Variants in IL17RE observed in about 807,000 individuals in gnomAD.
IL17RE encodes interleukin 17 receptor E.
A neutral mutation model predicts 70.7 loss-of-function variants in IL17RE; 47 were observed. The ratio of observed to expected loss-of-function variants is 0.67; its 90% CI spans 0.53 to 0.85. The LOEUF (loss-of-function observed/expected upper bound fraction) is 0.85. Ranked by LOEUF, IL17RE falls within the 40% of genes least tolerant of loss-of-function variation. The pLI is 0.00. For missense variants in IL17RE, 850 were observed against 893.9 expected (o/e 0.95, Z 0.63); for synonymous variants, 372 against 381.2 (o/e 0.98, Z 0.28).
rs1480913704 is a variant in IL17RE at position 9,903,381 on chromosome 3, G to T, written c.133-16G>T. On this transcript the variant is annotated splice_polypyrimidine_tract_variant and intron_variant, in intron 1 of 15. Transcript: ENST00000383814. ...AGCTCTTTCCTTTCTTTTCCCTACT[G>T]GGCCCTGTGCCTCAGGATGACAGTT... is the stretch of plus-strand genomic sequence containing the variant. The T allele has an allele frequency of 2.5e-6, 4 of 1,613,678 alleles. No homozygotes were observed. In the African/African-American group the frequency reaches 5.3e-5, roughly 22 times the overall value.
intron 3 of IL17RE, among the ~76,000 whole-genome samples, chr3:9,904,731 G>A (rs113833931): frequency 2.6e-5 from 4 of 152,270 alleles, no homozygotes; most frequent in African/African-American, 7.2e-5. Flanking sequence ...AGGTTGCAGT[G>A]AGCCGACATC....
intron 12 of IL17RE, among the ~76,000 whole-genome samples, chr3:9,912,969 TAAG>T (rs2082927579): frequency 6.6e-6 from 1 of 152,204 alleles, no homozygotes; most frequent in Non-Finnish European, 1.5e-5. Flanking sequence ...ATAACACAGT[TAAG>T]GAGTTCATAG....
At chr3:9,902,333 G>A (rs1313681436), upstream of IL17RE, among the ~76,000 whole-genome samples, 1 of 152,218 alleles carries the variant, frequency 6.6e-6, no homozygotes, top group Non-Finnish European at 1.5e-5. Flanking sequence ...CCTGGCTCAT[G>A]GGTAGAGAGA....
At position 9,915,341 on chromosome 3, in the gene IL17RE, G is replaced by C; in HGVS notation, c.1538G>C (p.Arg513Pro). 2 of 1,373,130 alleles carry C rather than the reference G, an allele frequency of 1.5e-6. No homozygotes were observed. The highest frequency in any genetic ancestry group is 9.3e-7 in the Non-Finnish European group (1 of 1,072,816). The allele number at this position is 1,373,130 out of a possible 1,614,324, so 85.1% of individuals were successfully genotyped here. The change falls in exon 16 of 16, where the codon CGG becomes CCG. Residue 513 changes from arginine (R) to proline (P), a missense_variant. Arg to Pro is a moderately radical substitution (Grantham distance 103). Transcript: ENST00000383814. The surrounding 1 kb of genome is among the most constrained non-coding windows in gnomAD (Gnocchi z 4.9). Reference protein sequence around the residue: ...RLVGALAELLRAALGGGRDVI... With the variant: ...RLVGALAELLPAALGGGRDVI... ...GTGGGAGCGCTGGCTGAACTGCTAC[G>C]GGCAGCGCTGGGCGGCGGGCGCGAC...
chr3:9,903,740 T>G (rs527401412), intron 2 of IL17RE, among the ~76,000 whole-genome samples: 1 of 152,354 alleles, frequency 6.6e-6, no homozygotes, highest in African/African-American at 2.4e-5. Context: ...AGGTTCTCCA[T>G]ATATGTTGGC....
intron 6 of IL17RE, 107 bp downstream of exon 6, chr3:9,907,207 G>T: frequency 2.2e-6 from 3 of 1,380,202 alleles, no homozygotes; most frequent in Non-Finnish European, 3.0e-6. Flanking sequence ...GATGGTAACT[G>T]TCCAAGACCT....
In IL17RE at chr3:9,915,846, A is replaced by G; in HGVS notation, c.*39A>G. On this transcript the variant is annotated 3_prime_UTR_variant, in exon 16 of 16. Coordinates refer to ENST00000383814, the MANE Select transcript of IL17RE (RefSeq NM_153480.2). The surrounding 1 kb of genome is among the most constrained non-coding windows in gnomAD (Gnocchi z 4.9). ...GCAGTCCCGGGTGTCTGCGGCCGCAACGCAACGGACACTGGCTGGAACCCC... is the reference window on the plus strand; with the variant it reads ...GCAGTCCCGGGTGTCTGCGGCCGCAGCGCAACGGACACTGGCTGGAACCCC... 1 of 1,463,506 alleles carries G rather than the reference A, an allele frequency of 6.8e-7. No homozygotes were observed. Among genetic ancestry groups the G allele is most frequent in the Non-Finnish European group, 8.9e-7 (1 of 1,120,384 alleles). 90.7% of individuals were successfully genotyped at this position (1,463,506 alleles called of 1,614,324 possible). A position where few individuals can be genotyped will look rare whatever the true frequency, so the allele number is the denominator to read the frequency against.
intron 3 of IL17RE, among the ~76,000 whole-genome samples, chr3:9,904,583 G>A (rs1341358854): frequency 3.3e-5 from 5 of 152,138 alleles, no homozygotes; most frequent in East Asian, 1.9e-4. Context: ...TCAGGAATTC[G>A]AGACCAGTCT....
rs1269077150 is a variant in IL17RE at position 9,910,847 on chromosome 3, AC to A, written c.803-15del. 1.9e-6 allele frequency: 3 copies of A among 1,609,706 alleles called. No individual in the cohort carries two copies. The Admixed American group carries it at 5.0e-5, about 27-fold the overall frequency. ...AAGCAGGGCTGACCCTCACCCACTG[AC>A]CCTGCCACCTGCCCAGATGGCTCGG... On this transcript the variant is annotated splice_polypyrimidine_tract_variant and intron_variant, in intron 8 of 15. Coordinates refer to ENST00000383814, the MANE Select transcript of IL17RE (RefSeq NM_153480.2).
chr3:9,909,304 C>T (rs899685899), intron 8 of IL17RE, 21 bp downstream of exon 8: 9 of 1,601,418 alleles, frequency 5.6e-6, no homozygotes, highest in Non-Finnish European at 7.7e-6. Flanking sequence ...TTGACACGCA[C>T]CCTTGTGCAC....
At chr3:9,910,680 A>G (rs758041886) in intron 8 of IL17RE, among the ~76,000 whole-genome samples, 185 bp from the exon 9 acceptor site, 8 of 152,196 alleles carry the variant, frequency 5.3e-5, no homozygotes, top group Middle Eastern at 3.2e-3. Flanking sequence ...GTGAGATTCT[A>G]TCTCAAAAAA....
chr3:9,906,047 C>T (rs988761552), intron 3 of IL17RE, among the ~76,000 whole-genome samples: 1 of 151,638 alleles, frequency 6.6e-6, no homozygotes, highest in Non-Finnish European at 1.5e-5. Context: ...GTTGGGAGTT[C>T]GAGACCAGCC....
chr3:9,904,541 T>C (rs1003643169), intron 3 of IL17RE, among the ~76,000 whole-genome samples: 2 of 152,034 alleles, frequency 1.3e-5, no homozygotes, highest in African/African-American at 4.8e-5. Flanking sequence ...TCCCAACACT[T>C]TGGGAGGCTG....
upstream of IL17RE, chr3:9,902,829 G>A (rs1337495335): frequency 1.3e-6 from 2 of 1,595,370 alleles, no homozygotes; most frequent in East Asian, 2.3e-5. Context: ...AGGCTGGGGC[G>A]AGGGCTCCTG....
chr3:9,904,387 T>C (rs1371749974), intron 3 of IL17RE, among the ~76,000 whole-genome samples: 1 of 152,256 alleles, frequency 6.6e-6, no homozygotes, highest in Non-Finnish European at 1.5e-5. Context: ...GATTTATTGT[T>C]ATTACCATCT....
At chr3:9,903,274 G>C in intron 1 of IL17RE, 123 bp from the exon 2 acceptor site, 2 of 1,150,188 alleles carry the variant, frequency 1.7e-6, no homozygotes, top group Admixed American at 3.7e-5. Flanking sequence ...GAAGGTATGG[G>C]CTATTAGCTA....
At position 9,915,375 on chromosome 3, in the gene IL17RE, G is replaced by C. The variant is rs1164276833; in HGVS notation, c.1572G>C (p.Val524=). ...AALGGGRDVI[V]DLWEGRHVAR... ...TGGGCGGCGGGCGCGACGTGATCGT[G>C]GACCTGTGGGAGGGGAGGCACGTGG... Residue 524 remains valine (V), a synonymous_variant, in exon 16 of 16, where the codon GTG becomes GTC. Coordinates refer to ENST00000383814, the MANE Select transcript of IL17RE (RefSeq NM_153480.2). This position sits in a 1 kb window ranked among gnomAD's most constrained non-coding sequence, Gnocchi z 4.9. The C allele has an allele frequency of 2.9e-6, 4 of 1,367,168 alleles. No individual in the cohort carries two copies. The highest frequency in any genetic ancestry group is 3.7e-6 in the Non-Finnish European group (4 of 1,070,370). 84.7% of individuals were successfully genotyped at this position (1,367,168 alleles called of 1,614,324 possible).
intron 8 of IL17RE, chr3:9,909,921 G>A (rs996768857): frequency 6.6e-6 from 1 of 152,354 alleles, no homozygotes; most frequent in African/African-American, 2.4e-5. Flanking sequence ...CTGAGCTGGG[G>A]TCAGAAAAAG....
At position 9,910,904 on chromosome 3, in the gene IL17RE, A is replaced by G; in HGVS notation, c.842A>G (p.Tyr281Cys). The stretch of plus-strand genomic sequence containing the variant: ...TGGAAGTCAGTGCACTTCACTGACT[A>G]CAGCCAGCACACTCAGATGGTCATG... ...DFWKSVHFTDYSQHTQMVMAL... is the reference protein window; with the variant it reads ...DFWKSVHFTDCSQHTQMVMAL... The change falls in exon 9 of 16, where the codon TAC becomes TGC. Residue 281 changes from tyrosine to cysteine, a missense_variant. Tyr to Cys is a radical substitution (Grantham distance 194). Coordinates refer to ENST00000383814, the MANE Select transcript of IL17RE (RefSeq NM_153480.2). 1 of 1,614,164 alleles carries G rather than the reference A, an allele frequency of 6.2e-7. No homozygotes were observed. The highest frequency in any genetic ancestry group is 1.1e-5 in the South Asian group (1 of 91,074).
Sources: allele counts gnomAD v4.1 joint callset (sites outside exome capture counted in the v4.1 genomes callset), GRCh38; gene constraint gnomAD v4.1.1; non-coding constraint Gnocchi (gnomAD v3.1); transcripts MANE v1.5; gene names NCBI Gene and HGNC (gene_info 2026-07-23, HGNC 2026-07-21).